The following BSN variants were observed in gnomAD, a reference collection of about 807,000 sequenced individuals.
BSN encodes the protein protein bassoon.
A neutral mutation model predicts 264.8 loss-of-function variants in BSN; 57 were observed. The ratio of observed to expected loss-of-function variants is 0.22; its 90% CI spans 0.17 to 0.27. BSN has a LOEUF of 0.27. BSN is among the 10% of genes least tolerant of loss of function. The probability of loss-of-function intolerance (pLI) is 1.00; values close to 1 mark genes in which losing one functional copy is unlikely to be tolerated. For synonymous variants in BSN, 2,059 were observed against 2,137.3 expected (o/e 0.96, Z 1.01); for missense variants, 4,615 against 5,232.5 (o/e 0.88, Z 3.64).
intron 1 of BSN, among the ~76,000 whole-genome samples, chr3:49,612,097 A>T (rs570523391): frequency 5.3e-5 from 8 of 152,286 alleles, no homozygotes; most frequent in South Asian, 2.1e-4. Context: ...TTCAACAAAA[A>T]TAACAAACAC....
At position 49,630,964 on chromosome 3, in the gene BSN, A is replaced by C. The variant is rs547080807; in HGVS notation, c.633+5581A>C. 4.6e-5 allele frequency among the ~76,000 whole-genome samples: 7 copies of C among 152,212 alleles called. 1 individual carries two copies. The highest frequency in any genetic ancestry group is 2.1e-4 in the South Asian group (1 of 4,812). ...GCTGCTTCTACTCTTTATTTTGCTC[A>C]GCCTTTGGCCTGGACAGGCATGTTT... On this transcript the variant is annotated intron_variant, in intron 2 of 11. Transcript: ENST00000296452.
At chr3:49,574,125 T>C (rs1446235194) in intron 1 of BSN, among the ~76,000 whole-genome samples, 2 of 108,224 alleles carry the variant, frequency 1.8e-5, no homozygotes, top group Non-Finnish European at 3.7e-5. Context: ...AATTTTTGTA[T>C]TTTTGTATTT....
chr3:49,608,539 T>C (rs1168340900), intron 1 of BSN, among the ~76,000 whole-genome samples: 6 of 152,096 alleles, frequency 3.9e-5, no homozygotes, highest in Admixed American at 3.9e-4. Flanking sequence ...TTATAAAAAA[T>C]TGCATTCAGG....
Position 49,661,107 on chromosome 3 carries a change from A to G in BSN, c.9262A>G (p.Thr3088Ala), listed in dbSNP as rs2052650104. The G allele has an allele frequency of 6.2e-7, 1 of 1,610,586 alleles. No homozygotes were observed. The highest frequency in any genetic ancestry group is 1.3e-5 in the African/African-American group (1 of 74,126). Reference protein sequence around the residue: ...HQAPTYPGPSTYPAPAFPPGA... With the variant: ...HQAPTYPGPSAYPAPAFPPGA... ...GGCCCCCACCTACCCTGGCCCCAGCACGTACCCAGCTCCTGCCTTTCCTCC... is the reference window on the plus strand; with the variant it reads ...GGCCCCCACCTACCCTGGCCCCAGCGCGTACCCAGCTCCTGCCTTTCCTCC... The change falls in exon 6 of 12, where the codon ACG becomes GCG. Residue 3088 changes from threonine (T) to alanine (A), a missense_variant. By Grantham distance (58) the Thr-to-Ala change is moderately conservative. Around this residue, in one of 3 missense-constraint regions of BSN, gnomAD observed 3,415 missense variants for 3,866.4 expected, o/e 0.88. Transcript: ENST00000296452.
At chr3:49,609,253 C>T (rs994313593) in intron 1 of BSN, among the ~76,000 whole-genome samples, 2 of 151,790 alleles carry the variant, frequency 1.3e-5, no homozygotes, top group African/African-American at 4.8e-5. Flanking sequence ...AGGCACATGC[C>T]ACCATGCTTG....
At chr3:49,584,106 C>G (rs1334770312) in intron 1 of BSN, among the ~76,000 whole-genome samples, 1 of 151,914 alleles carries the variant, frequency 6.6e-6, no homozygotes, top group Non-Finnish European at 1.5e-5. Flanking sequence ...AGGAGGGTCT[C>G]GATCTCCTGA....
chr3:49,554,663 G>GCCGGCCCCGGCCCGGGCC lies in BSN; in HGVS notation c.75_92dup (p.Pro27_Gly32dup), dbSNP rs768275436. ...CGACGGGCCGCTGCCGCCCGGCGGC[G>GCCGGCCCCGGCCCGGGCC]CCGGCCCCGGCCCGGGCCCCGGCCC... On this transcript the variant is annotated inframe_insertion, in exon 1 of 12. Coordinates refer to ENST00000296452, the MANE Select transcript of BSN (RefSeq NM_003458.4). The GCCGGCCCCGGCCCGGGCC allele has an allele frequency of 9.2e-5, 91 of 992,198 alleles. No homozygotes were observed. The highest frequency in any genetic ancestry group is 1.1e-4 in the Non-Finnish European group (89 of 836,030). The allele number at this position is 992,198 out of a possible 1,614,324, so 61.5% of individuals were successfully genotyped here.
At chr3:49,583,471 A>G (rs1277982281) in intron 1 of BSN, among the ~76,000 whole-genome samples, 1 of 152,098 alleles carries the variant, frequency 6.6e-6, no homozygotes, top group Non-Finnish European at 1.5e-5. Context: ...TTGGCTGGGC[A>G]CAGTGGCTCA....
intron 1 of BSN, among the ~76,000 whole-genome samples, chr3:49,573,056 C>G (rs529392979): frequency 6.6e-6 from 1 of 152,146 alleles, no homozygotes; most frequent in Non-Finnish European, 1.5e-5. Flanking sequence ...TTGGATGTAG[C>G]GGTGAGCAAA....
chr3:49,598,402 T>A (rs2108030309), intron 1 of BSN, among the ~76,000 whole-genome samples: 1 of 152,334 alleles, frequency 6.6e-6, no homozygotes, highest in South Asian at 2.1e-4. Context: ...GATATCAGAT[T>A]TTTTTCTTGT....
intron 1 of BSN, among the ~76,000 whole-genome samples, chr3:49,564,445 C>G (rs1046127691): frequency 9.9e-5 from 15 of 152,210 alleles, no homozygotes; most frequent in African/African-American, 3.6e-4. Context: ...TAGTGAGACT[C>G]TTTTGGAACC....
chr3:49,602,043 C>G (rs889177735), intron 1 of BSN, among the ~76,000 whole-genome samples: 2 of 152,188 alleles, frequency 1.3e-5, no homozygotes, highest in Non-Finnish European at 2.9e-5. Context: ...TCCTGAGAGC[C>G]TCTCTACTTG....
intron 1 of BSN, among the ~76,000 whole-genome samples, chr3:49,587,898 T>TTTTCC (rs2108021116): frequency 7.4e-6 from 1 of 134,714 alleles, no homozygotes; most frequent in Non-Finnish European, 1.5e-5. Flanking sequence ...TTTTCTTTTC[T>TTTTCC]TTTCTTTTCT....
In BSN at chr3:49,657,115, G is replaced by C. The variant is rs572762930; in HGVS notation, c.7559G>C (p.Gly2520Ala). The C allele has an allele frequency of 2.5e-6, 4 of 1,612,358 alleles. No homozygotes were observed. In the Admixed American group the frequency reaches 6.7e-5, roughly 27 times the overall value. ...GCCATGGCAGGGCCTGAAGGACTTG[G>C]GCAGCCTCGTGAGCCTGTGCTGCAC... ...FIAMAGPEGL[G>A]QPREPVLHRG... The change falls in exon 5 of 12, where the codon GGG (glycine) becomes GCG (alanine). Residue 2520 changes from glycine to alanine, a missense_variant. Physicochemically the swap from Gly to Ala is moderately conservative, Grantham distance 60. Coordinates refer to ENST00000296452, the MANE Select transcript of BSN (RefSeq NM_003458.4).
chr3:49,665,997 C>T (rs573190468), intron 11 of BSN, among the ~76,000 whole-genome samples: 1 of 152,384 alleles, frequency 6.6e-6, no homozygotes, highest in South Asian at 2.1e-4. Flanking sequence ...TGGCCTTGGC[C>T]CTGCCTCTGT....
chr3:49,624,310 T>C lies in BSN; in HGVS notation c.225-665T>C, dbSNP rs1331927354. Reference sequence around the variant, plus strand: ...GCCAACGTGCCCAGCCTTTTTTTTTTTTTTTTTAGACAGGGTCTCACTCTG... The same window carrying C: ...GCCAACGTGCCCAGCCTTTTTTTTTCTTTTTTTAGACAGGGTCTCACTCTG... On this transcript the variant is annotated intron_variant, in intron 1 of 11. Transcript: ENST00000296452. Among the ~76,000 whole-genome samples the C allele has an allele frequency of 6.8e-5, 9 of 132,140 alleles. 1 individual carries two copies. The highest frequency in any genetic ancestry group is 2.2e-4 in the African/African-American group (8 of 36,480). 86.7% of individuals were successfully genotyped at this position (132,140 alleles called of 152,430 possible). A position where few individuals can be genotyped will look rare whatever the true frequency, so the allele number is the denominator to read the frequency against.
rs774886945 is a variant in BSN at position 49,657,757 on chromosome 3, T to G, written c.8201T>G (p.Leu2734Arg). 3 of 1,550,962 alleles carry G rather than the reference T, an allele frequency of 1.9e-6. No homozygotes were observed. Among genetic ancestry groups the G allele is most frequent in the South Asian group, 1.2e-5 (1 of 80,804 alleles). Residue 2734 changes from leucine (L) to arginine (R), a missense_variant, in exon 5 of 12, where the codon CTT becomes CGT. Physicochemically the swap from Leu to Arg is moderately radical, Grantham distance 102. Transcript: ENST00000296452. The part of the protein sequence containing the change: ...GQAQGVAGPQ[L>R]VGPTAISPYL... ...GCCCAGGGTGTAGCCGGGCCGCAGC[T>G]TGTAGGGCCAACTGCCATCAGCCCC... is the stretch of plus-strand genomic sequence containing the variant.
Position 49,654,895 on chromosome 3 carries a change from C to T in BSN, c.5339C>T (p.Ala1780Val). The change falls in exon 5 of 12, where the codon GCT (alanine) becomes GTT (valine). Residue 1780 changes from alanine (A) to valine (V), a missense_variant. Coordinates refer to ENST00000296452, the MANE Select transcript of BSN (RefSeq NM_003458.4). This position sits in a 1 kb window ranked among gnomAD's most constrained non-coding sequence, Gnocchi z 4.1. Reference sequence around the variant, plus strand: ...GCCCAGGTCAAACAAGTAGAGCAGGCTGTCCAGACAGCCCCATACCGAAGT... The same window carrying T: ...GCCCAGGTCAAACAAGTAGAGCAGGTTGTCCAGACAGCCCCATACCGAAGT... ...CLAQVKQVEQ[A>V]VQTAPYRSGP... 6.2e-7 allele frequency: 1 copy of T among 1,613,308 alleles called. No individual in the cohort carries two copies. Among genetic ancestry groups the T allele is most frequent in the Non-Finnish European group, 8.5e-7 (1 of 1,179,848 alleles).
intron 1 of BSN, among the ~76,000 whole-genome samples, chr3:49,617,285 A>T (rs1259542849): frequency 0.012 from 41 of 3,386 alleles, no homozygotes; most frequent in Admixed American, 0.057. Context: ...AAAATACATT[A>T]TATATATATA....
Sources: allele counts gnomAD v4.1 joint callset (sites outside exome capture counted in the v4.1 genomes callset), GRCh38; gene constraint gnomAD v4.1.1; regional missense constraint gnomAD v4.1.1; non-coding constraint Gnocchi (gnomAD v3.1); transcripts MANE v1.5; gene names NCBI Gene and HGNC (gene_info 2026-07-23, HGNC 2026-07-21).